MNAT1: variants seen among roughly 807,000 people sequenced by gnomAD.
MNAT1 encodes the protein MNAT1 component of CDK activating kinase, also known as CDK-activating kinase assembly factor MAT1.
MNAT1 carries 43 observed loss-of-function variants against 42.0 expected under a neutral mutation model. The ratio of observed to expected loss-of-function variants is 1.02; its 90% confidence interval spans 0.80 to 1.32. MNAT1 has a LOEUF of 1.32. Among genes scored for constraint, MNAT1 ranks in the 40% most tolerant of loss-of-function variants. The pLI is 0.00. For missense variants in MNAT1, 306 were observed against 350.4 expected (o/e 0.87, Z 1.01); for synonymous variants, 118 against 120.0 (o/e 0.98, Z 0.11).
intron 7 of MNAT1, among the ~76,000 whole-genome samples, chr14:60,902,018 G>A (rs2035082069): frequency 3.3e-5 from 5 of 152,198 alleles, no homozygotes; most frequent in African/African-American, 1.2e-4. Context: ...ATGTGCTACA[G>A]AGAAATCTTT....
chr14:60,908,916 T>A (rs1464874974), intron 7 of MNAT1, among the ~76,000 whole-genome samples: 1 of 152,236 alleles, frequency 6.6e-6, no homozygotes, highest in African/African-American at 2.4e-5. Flanking sequence ...CCACAATGGT[T>A]GAACTGGTTT....
chr14:60,960,467 G>T (rs2036567868), intron 7 of MNAT1, among the ~76,000 whole-genome samples: 1 of 151,934 alleles, frequency 6.6e-6, no homozygotes, highest in Non-Finnish European at 1.5e-5. Flanking sequence ...ACTCCAAATT[G>T]GTATCTTCAT....
intron 6 of MNAT1, among the ~76,000 whole-genome samples, chr14:60,871,807 G>A (rs56662776): frequency 0.015 from 2,296 of 152,106 alleles, 53 homozygotes; most frequent in African/African-American, 0.052. Context: ...ATTTTTAGTA[G>A]AGATGGGGTT....
intron 7 of MNAT1, among the ~76,000 whole-genome samples, chr14:60,961,842 T>C (rs1316080418): frequency 6.6e-6 from 1 of 152,176 alleles, no homozygotes; most frequent in Non-Finnish European, 1.5e-5. Context: ...TTTATAAAGA[T>C]ATGATGAAAA....
At chr14:60,813,857 G>A (rs1349253090) in intron 5 of MNAT1, among the ~76,000 whole-genome samples, 1 of 152,120 alleles carries the variant, frequency 6.6e-6, no homozygotes, top group East Asian at 1.9e-4. Context: ...TCCTAGATAA[G>A]AGTATTGTTT....
chr14:60,836,699 A>G (rs1402613917), intron 6 of MNAT1, among the ~76,000 whole-genome samples: 2 of 152,190 alleles, frequency 1.3e-5, no homozygotes, highest in East Asian at 3.9e-4. Context: ...GTGTCTCCCA[A>G]TCAGGAGGCA....
At chr14:60,822,119 G>A (rs893105223) in intron 6 of MNAT1, among the ~76,000 whole-genome samples, 2 of 151,966 alleles carry the variant, frequency 1.3e-5, no homozygotes, top group Non-Finnish European at 2.9e-5. Flanking sequence ...AACCTGGCTA[G>A]CCCTCTTAGA....
At chr14:60,900,722 A>G (rs568804664) in intron 7 of MNAT1, among the ~76,000 whole-genome samples, 1 of 152,250 alleles carries the variant, frequency 6.6e-6, no homozygotes, top group East Asian at 1.9e-4. Flanking sequence ...CATAGCCAGA[A>G]AGAAGTCAGC....
chr14:60,960,109 G>A (rs2036561805), intron 7 of MNAT1, among the ~76,000 whole-genome samples: 1 of 152,170 alleles, frequency 6.6e-6, no homozygotes, highest in African/African-American at 2.4e-5. Flanking sequence ...CACGTCTGCT[G>A]TAAATACTAT....
chr14:60,794,660 A>AAATATATATATAT (rs1555375163), intron 1 of MNAT1, among the ~76,000 whole-genome samples: 1 of 28,632 alleles, frequency 3.5e-5, no homozygotes, highest in African/African-American at 1.4e-4. Context: ...AAAAAAAAAA[A>AAATATATATATAT]ATATATATAT....
intron 6 of MNAT1, among the ~76,000 whole-genome samples, chr14:60,841,912 A>C (rs1462808324): frequency 6.6e-6 from 1 of 152,156 alleles, no homozygotes; most frequent in Non-Finnish European, 1.5e-5. Context: ...GTTTATTGGG[A>C]ATATATGAAC....
intron 1 of MNAT1, among the ~76,000 whole-genome samples, chr14:60,771,022 T>G (rs1013572133): frequency 2.6e-5 from 4 of 152,200 alleles, no homozygotes; most frequent in African/African-American, 9.6e-5. Context: ...ATATGTCCAC[T>G]GGTGTATATG....
intron 6 of MNAT1, among the ~76,000 whole-genome samples, chr14:60,870,078 TACTGCCATGTATA>T: frequency 6.6e-6 from 1 of 152,280 alleles, no homozygotes; most frequent in Middle Eastern, 3.4e-3. Context: ...TTATTAAAAA[TACTGCCATGTATA>T]ACTACCCGTG....
Position 60,825,945 on chromosome 14 carries a change from ATATGAT to A in MNAT1, c.687+7101_687+7106del, listed in dbSNP as rs1396238037. ...AGAGGAACCAAGGAAGGATGTATAA[ATATGAT>A]TAAGGTTTCTGGAAATAGATCCTTT... On this transcript the variant is annotated intron_variant, in intron 6 of 7. Transcript: ENST00000261245. Among the ~76,000 whole-genome samples, 4 of 152,228 alleles carry A rather than the reference ATATGAT, an allele frequency of 2.6e-5. No homozygotes were observed. In the East Asian group the frequency reaches 7.7e-4, roughly 29 times the overall value.
chr14:60,868,629 A>G (rs948240059), intron 6 of MNAT1, among the ~76,000 whole-genome samples: 1 of 152,076 alleles, frequency 6.6e-6, no homozygotes, highest in African/African-American at 2.4e-5. Flanking sequence ...CAGGGGCTTG[A>G]TCTGTTTTGT....
chr14:60,784,944 C>T (rs1446004135), intron 1 of MNAT1, among the ~76,000 whole-genome samples: 2 of 152,040 alleles, frequency 1.3e-5, no homozygotes, highest in Non-Finnish European at 2.9e-5. Context: ...CCTCTGGCTC[C>T]CAGGTTCAAG....
chr14:60,903,601 G>A (rs1052616881), intron 7 of MNAT1, among the ~76,000 whole-genome samples: 3 of 152,044 alleles, frequency 2.0e-5, no homozygotes, highest in Non-Finnish European at 4.4e-5. Context: ...GCACAGCCAC[G>A]ATATAGAATA....
chr14:60,751,004 G>A (rs567077363), intron 1 of MNAT1, among the ~76,000 whole-genome samples: 1 of 152,088 alleles, frequency 6.6e-6, no homozygotes, highest in African/African-American at 2.4e-5. Context: ...TTTATTAAAA[G>A]GATTGATAGG....
chr14:60,782,070 A>G (rs1472054788), intron 1 of MNAT1, among the ~76,000 whole-genome samples: 1 of 151,416 alleles, frequency 6.6e-6, no homozygotes, highest in African/African-American at 2.4e-5. Context: ...TGGAATGTCA[A>G]TTTTACCTAA....
Sources: gnomAD v4.1 joint callset for allele counts (sites outside exome capture counted in the v4.1 genomes callset) on GRCh38, gnomAD v4.1.1 for gene constraint, MANE v1.5 for transcripts, NCBI Gene and HGNC (gene_info 2026-07-23, HGNC 2026-07-21) for gene names.